Variants in C18orf63 observed in about 807,000 individuals in gnomAD.
C18orf63 encodes chromosome 18 open reading frame 63, also known as uncharacterized protein C18orf63.
A neutral mutation model predicts 75.3 loss-of-function variants in C18orf63; 50 were observed. That is an observed-to-expected ratio of 0.66 (90% CI 0.53 to 0.84). The LOEUF (loss-of-function observed/expected upper bound fraction) is 0.84, where lower values mean the gene tolerates loss of function less well. Ranked by LOEUF, C18orf63 falls within the 40% of genes least tolerant of loss-of-function variation. The pLI, the probability that C18orf63 is intolerant of heterozygous loss-of-function variation, is 0.00. For synonymous variants in C18orf63, 232 were observed against 267.6 expected (o/e 0.87, Z 1.30); for missense variants, 732 against 800.2 (o/e 0.91, Z 1.03).
At chr18:74,317,762 G>C (rs1414549820) in intron 1 of C18orf63, 72 bp from the exon 2 acceptor site, 10 of 821,574 alleles carry the variant, frequency 1.2e-5, no homozygotes, top group Non-Finnish European at 1.7e-5. Flanking sequence ...ATCAAATATT[G>C]TGTGCTGACT....
At chr18:74,355,714 G>A (rs1984753286) in intron 13 of C18orf63, among the ~76,000 whole-genome samples, 1 of 152,158 alleles carries the variant, frequency 6.6e-6, no homozygotes, top group Non-Finnish European at 1.5e-5. Flanking sequence ...GAGATCAGGA[G>A]TTTGATACCA....
Position 74,354,000 on chromosome 18 carries a change from C to T in C18orf63, c.1733C>T (p.Thr578Ile), listed in dbSNP as rs1568241270. 6.5e-7 allele frequency: 1 copy of T among 1,536,362 alleles called. No individual in the cohort carries two copies. The highest frequency in any genetic ancestry group is 8.7e-7 in the Non-Finnish European group (1 of 1,146,940). Residue 578 changes from threonine (T) to isoleucine (I), a missense_variant, in exon 12 of 14, where the codon ACA (threonine) becomes ATA (isoleucine). By Grantham distance (89) the Thr-to-Ile change is moderately conservative (BLOSUM62 -1). Transcript: ENST00000579455. ...GAAAATTTAACAGGCAAAGGTATAA[C>T]ACAAATTTTAGGGAAAAGCCATGGG... The part of the protein sequence containing the change: ...GKENLTGKGI[T>I]QILGKSHGSL...
intron 9 of C18orf63, 50 bp from the exon 10 acceptor site, chr18:74,342,191 C>T: frequency 7.0e-7 from 1 of 1,429,956 alleles, no homozygotes; most frequent in Non-Finnish European, 9.5e-7. Context: ...GTAACTTAAC[C>T]TAAGTTTAGC....
At chr18:74,346,938 A>T (rs942144093) in intron 11 of C18orf63, among the ~76,000 whole-genome samples, 2 of 152,250 alleles carry the variant, frequency 1.3e-5, no homozygotes, top group African/African-American at 4.8e-5. Flanking sequence ...GAAGCTCAGA[A>T]CATCCAAATA....
intron 2 of C18orf63, 132 bp from the exon 3 acceptor site, chr18:74,320,381 C>T (rs941223780): frequency 1.9e-5 from 10 of 535,982 alleles, no homozygotes; most frequent in Admixed American, 3.6e-5. Flanking sequence ...GGGGGAAATC[C>T]GCCGCCATGA....
At chr18:74,356,171 C>T (rs973196431) in intron 13 of C18orf63, among the ~76,000 whole-genome samples, 6 of 151,904 alleles carry the variant, frequency 3.9e-5, no homozygotes, top group African/African-American at 1.5e-4. Flanking sequence ...ACTTTGTTAC[C>T]TGCATGTATT....
intron 5 of C18orf63, 76 bp from the exon 6 acceptor site, chr18:74,328,916 ACAT>A (rs1269497125): frequency 1.3e-6 from 1 of 780,172 alleles, no homozygotes; most frequent in African/African-American, 1.7e-5. Context: ...TGATAATCTC[ACAT>A]CAAGCATAGT....
rs58362707 is a variant in C18orf63 at position 74,341,270 on chromosome 18, C to CAAAAA, written c.612-733_612-729dup. Among the ~76,000 whole-genome samples, 44 of 59,006 alleles carry CAAAAA rather than the reference C, an allele frequency of 7.5e-4. 4 individuals carry two copies. The highest frequency in any genetic ancestry group is 1.8e-3 in the East Asian group (3 of 1,630). The allele number at this position is 59,006 out of a possible 152,430, so 38.7% of individuals were successfully genotyped here. A position where few individuals can be genotyped will look rare whatever the true frequency, so the allele number is the denominator to read the frequency against. ...TGGGCGACAGAGCGAGACTCCGTCT[C>CAAAAA]AAAAAAAAAAAAAAAAAAAAAAAAA... On this transcript the variant is annotated intron_variant, in intron 8 of 13. Coordinates refer to ENST00000579455, the MANE Select transcript of C18orf63 (RefSeq NM_001174123.2).
At chr18:74,339,072 A>G (rs1984437506) in intron 8 of C18orf63, among the ~76,000 whole-genome samples, 1 of 152,038 alleles carries the variant, frequency 6.6e-6, no homozygotes, top group Admixed American at 6.6e-5. Flanking sequence ...AAAAGGTAAT[A>G]TTTCTAAATT....
chr18:74,356,848 C>T lies in C18orf63; in HGVS notation c.*401C>T, dbSNP rs1027365798. ...TGAAGAACCTCTAAGTACCTATCACCCAGATCTACCAGTTATTAATATTTT... is the reference window on the plus strand; with the variant it reads ...TGAAGAACCTCTAAGTACCTATCACTCAGATCTACCAGTTATTAATATTTT... On this transcript the variant is annotated 3_prime_UTR_variant, in exon 14 of 14. Transcript: ENST00000579455. 4.6e-5 allele frequency: 7 copies of T among 152,050 alleles called. No individual in the cohort carries two copies. Among genetic ancestry groups the T allele is most frequent in the Non-Finnish European group, 5.9e-5 (4 of 68,010 alleles). 9.4% of individuals were successfully genotyped at this position (152,050 alleles called of 1,614,324 possible). A position where few individuals can be genotyped will look rare whatever the true frequency, so the allele number is the denominator to read the frequency against.
intron 10 of C18orf63, among the ~76,000 whole-genome samples, chr18:74,342,548 C>T (rs1436665716): frequency 3.3e-5 from 5 of 152,076 alleles, no homozygotes; most frequent in Non-Finnish European, 7.4e-5. Flanking sequence ...TTTCCTTAAA[C>T]ACCATTTCAA....
At chr18:74,337,988 G>A (rs1303174322) in intron 7 of C18orf63, among the ~76,000 whole-genome samples, 1 of 152,140 alleles carries the variant, frequency 6.6e-6, no homozygotes, top group African/African-American at 2.4e-5. Context: ...AAGATGTTAG[G>A]TGGTTGGTTA....
At chr18:74,342,895 C>CT (rs1252495352) in intron 10 of C18orf63, among the ~76,000 whole-genome samples, 1 of 152,132 alleles carries the variant, frequency 6.6e-6, no homozygotes, top group African/African-American at 2.4e-5. Context: ...CCATTTCCAT[C>CT]TTCTGACCTG....
chr18:74,318,777 G>A (rs1193572093), intron 2 of C18orf63, among the ~76,000 whole-genome samples: 4 of 148,402 alleles, frequency 2.7e-5, no homozygotes, highest in East Asian at 2.0e-4. Flanking sequence ...GCAACAGAGC[G>A]AGACTCTGTC....
intron 6 of C18orf63, among the ~76,000 whole-genome samples, chr18:74,329,385 A>C (rs1006786422): frequency 9.9e-5 from 15 of 151,782 alleles, no homozygotes; most frequent in South Asian, 8.3e-4. Context: ...AAAAAAAAAA[A>C]AAAAAAAAAA....
chr18:74,329,806 C>T (rs1013369389), intron 6 of C18orf63, among the ~76,000 whole-genome samples: 1 of 152,130 alleles, frequency 6.6e-6, no homozygotes, highest in Admixed American at 6.5e-5. Context: ...TTGATTTGCA[C>T]AGTTGTGTTT....
In C18orf63 at chr18:74,338,722, A is replaced by G. The variant is rs1386673664; in HGVS notation, c.509A>G (p.Glu170Gly). 7.5e-7 allele frequency: 1 copy of G among 1,338,094 alleles called. No homozygotes were observed. Among genetic ancestry groups the G allele is most frequent in the Non-Finnish European group, 9.8e-7 (1 of 1,021,048 alleles). The allele number at this position is 1,338,094 out of a possible 1,614,324, so 82.9% of individuals were successfully genotyped here. The change falls in exon 8 of 14, where the codon GAG (glutamate) becomes GGG (glycine). Residue 170 changes from glutamate (E) to glycine (G), a missense_variant. Physicochemically the swap from Glu to Gly is moderately conservative, Grantham distance 98. Coordinates refer to ENST00000579455, the MANE Select transcript of C18orf63 (RefSeq NM_001174123.2). ...TIRLPAPELK[E>G]FEISQSIIKD... ...TCTTATTTCTATTAAAAGCTAAAAG[A>G]GTTTGAGATTTCCCAGAGTATTATA...
At chr18:74,349,015 C>T (rs749094289) in intron 11 of C18orf63, among the ~76,000 whole-genome samples, 1 of 152,172 alleles carries the variant, frequency 6.6e-6, no homozygotes, top group East Asian at 1.9e-4. Flanking sequence ...ATACCACACA[C>T]ATATTCTAGT....
rs763247079 is a variant in C18orf63 at position 74,349,206 on chromosome 18, G to A, written c.979-4040G>A. Among the ~76,000 whole-genome samples the A allele has an allele frequency of 1.9e-4, 29 of 151,764 alleles. 1 individual carries two copies. The highest frequency in any genetic ancestry group is 1.9e-4 in the East Asian group (1 of 5,180). On this transcript the variant is annotated intron_variant, in intron 11 of 13. Coordinates refer to ENST00000579455, the MANE Select transcript of C18orf63 (RefSeq NM_001174123.2). The stretch of plus-strand genomic sequence containing the variant: ...ATTCTTTAACTTTTTTTCATGAAAC[G>A]GAAAAAAATTCAATCTGGACACTTC...
Sources: gnomAD v4.1 joint callset for allele counts (sites outside exome capture counted in the v4.1 genomes callset) on GRCh38, gnomAD v4.1.1 for gene constraint, MANE v1.5 for transcripts, NCBI Gene and HGNC (gene_info 2026-07-23, HGNC 2026-07-21) for gene names.